The following CALN1 variants were observed in gnomAD, a reference collection of about 807,000 sequenced individuals.
CALN1 encodes calcium-binding protein 8.
A neutral mutation model predicts 30.6 loss-of-function variants in CALN1; 17 were observed. That is an observed-to-expected ratio of 0.56 (90% confidence interval 0.38 to 0.83). The LOEUF (loss-of-function observed/expected upper bound fraction) is 0.83. Among genes scored for constraint, CALN1 ranks in the 40% least tolerant of loss-of-function variants. The pLI, the probability that CALN1 is intolerant of heterozygous loss-of-function variation, is 0.00. For synonymous variants in CALN1, 156 were observed against 131.4 expected, an observed-to-expected ratio of 1.19 and a Z score of -1.28; for missense variants, 291 against 354.9, an observed-to-expected ratio of 0.82 and a Z score of 1.45.
chr7:72,401,147 C>T (rs1439327339), intron 2 of CALN1, among the ~76,000 whole-genome samples: 1 of 152,190 alleles, frequency 6.6e-6, no homozygotes, highest in East Asian at 1.9e-4. Flanking sequence ...TTCTCTTCTA[C>T]TCCTTTCTCT....
In CALN1 at chr7:71,787,719, C is replaced by A; in HGVS notation, c.*56G>T. The stretch of plus-strand genomic sequence containing the variant: ...CTGCTGTGTGGAGGAAGAGTCTGCC[C>A]GCACGGCATGCACATGCGCGGTGAG... On this transcript the variant is annotated 3_prime_UTR_variant, in exon 7 of 7. Transcript: ENST00000395275. 6.2e-7 allele frequency: 1 copy of A among 1,600,790 alleles called. No individual in the cohort carries two copies.
At chr7:72,358,894 G>T (rs890526311) in intron 2 of CALN1, among the ~76,000 whole-genome samples, 2 of 151,744 alleles carry the variant, frequency 1.3e-5, no homozygotes, top group East Asian at 3.9e-4. Flanking sequence ...GGAGGCGGAG[G>T]TTGCAGTGAG....
chr7:72,006,114 C>T (rs1275423829), intron 5 of CALN1, among the ~76,000 whole-genome samples: 1 of 152,128 alleles, frequency 6.6e-6, no homozygotes, highest in African/African-American at 2.4e-5. Flanking sequence ...TGTGAGTCTA[C>T]AGCCATTTCA....
At chr7:72,108,462 C>A (rs1330355086) in intron 3 of CALN1, among the ~76,000 whole-genome samples, 1 of 152,288 alleles carries the variant, frequency 6.6e-6, no homozygotes, top group South Asian at 2.1e-4. Flanking sequence ...TTTCCCTGCC[C>A]AAAATTATAT....
the CALN1 span, among the ~76,000 whole-genome samples, chr7:72,469,804 A>AT: frequency 1.3e-5 from 2 of 152,050 alleles, no homozygotes; most frequent in Admixed American, 1.3e-4. Flanking sequence ...TTGTGAAATC[A>AT]TTTTTTTCAC....
At chr7:72,425,276 G>A (rs983237120) in intron 1 of CALN1, among the ~76,000 whole-genome samples, 1 of 152,252 alleles carries the variant, frequency 6.6e-6, no homozygotes. Context: ...ACCACACCCA[G>A]CTAATTTTTG....
intron 2 of CALN1, chr7:72,336,862 C>T (rs1244277917): frequency 2.8e-5 from 28 of 984,980 alleles, no homozygotes; most frequent in Non-Finnish European, 3.4e-5. Flanking sequence ...GCAGCCGCGT[C>T]CCCGTGCCGG....
chr7:72,258,907 A>G (rs571234554), intron 3 of CALN1, among the ~76,000 whole-genome samples: 1,577 of 148,826 alleles, frequency 0.011, 12 homozygotes, highest in Non-Finnish European at 0.018. Context: ...TAAAAAAAAA[A>G]AAAGAAAGAA....
intron 2 of CALN1, among the ~76,000 whole-genome samples, chr7:72,307,871 C>T (rs1161749464): frequency 1.4e-5 from 2 of 145,554 alleles, no homozygotes; most frequent in Admixed American, 7.1e-5. Flanking sequence ...GGGTCCCAGA[C>T]GACAAGAGAA....
intron 3 of CALN1, among the ~76,000 whole-genome samples, chr7:72,132,783 T>C (rs369600951): frequency 6.6e-6 from 1 of 151,834 alleles, no homozygotes; most frequent in Admixed American, 6.6e-5. Context: ...TCCAAGACAA[T>C]GTAGCCCATC....
At chr7:72,249,659 G>A (rs148117682) in intron 3 of CALN1, among the ~76,000 whole-genome samples, 84 of 152,228 alleles carry the variant, frequency 5.5e-4, no homozygotes, top group African/African-American at 1.9e-3. Context: ...AAAATTAGCT[G>A]GGTGTGGTGG....
At chr7:72,386,809 AAAAT>A (rs1805235480) in intron 2 of CALN1, among the ~76,000 whole-genome samples, 1 of 152,126 alleles carries the variant, frequency 6.6e-6, no homozygotes, top group East Asian at 1.9e-4. Context: ...CTAATTTAAA[AAAAT>A]AAATTTAAGG....
rs34777600 is a variant in CALN1 at position 72,094,273 on chromosome 7, AT to A, written c.388+11877del. 4.4e-4 allele frequency among the ~76,000 whole-genome samples: 67 copies of A among 151,044 alleles called. 1 individual carries two copies. The highest frequency in any genetic ancestry group is 3.5e-3 in the East Asian group (18 of 5,092). On this transcript the variant is annotated intron_variant, in intron 4 of 6. Transcript: ENST00000395275. ...TATTGAAATAGGTGCACATACCAGA[AT>A]TTTTTTTTTAACTCTTGTTGCCCAG...
intron 2 of CALN1, among the ~76,000 whole-genome samples, chr7:72,307,903 A>G (rs1799758965): frequency 6.6e-6 from 1 of 152,196 alleles, no homozygotes; most frequent in Admixed American, 6.5e-5. Flanking sequence ...AGACAAAAAA[A>G]AAAAAATGAA....
intron 2 of CALN1, among the ~76,000 whole-genome samples, chr7:72,337,422 GCACACACACACA>G (rs5884886): frequency 3.3e-5 from 5 of 150,710 alleles, no homozygotes; most frequent in Non-Finnish European, 3.0e-5. Flanking sequence ...ACACTCGCGC[GCACACACACACA>G]CACACACGCA....
chr7:72,283,778 G>GAGCAGCAA (rs1480834838), intron 2 of CALN1, among the ~76,000 whole-genome samples: 4 of 152,178 alleles, frequency 2.6e-5, no homozygotes, highest in Admixed American at 2.6e-4. Context: ...GATCAGGTGT[G>GAGCAGCAA]AGCAGCAAAG....
At chr7:72,021,843 ACC>A (rs972611693) in intron 5 of CALN1, among the ~76,000 whole-genome samples, 1 of 151,668 alleles carries the variant, frequency 6.6e-6, no homozygotes, top group African/African-American at 2.4e-5. Flanking sequence ...TGGCTGCTTG[ACC>A]CTCACCTTCT....
At chr7:72,337,406 G>A (rs1438360318) in intron 2 of CALN1, among the ~76,000 whole-genome samples, 2 of 94,608 alleles carry the variant, frequency 2.1e-5, no homozygotes, top group African/African-American at 4.1e-5. Context: ...CGGCGCGCGC[G>A]CACTCACACT....
chr7:71,933,566 G>A (rs1023861996), intron 5 of CALN1, among the ~76,000 whole-genome samples: 11 of 151,988 alleles, frequency 7.2e-5, no homozygotes, highest in African/African-American at 2.2e-4. Flanking sequence ...CTTCAACATC[G>A]TAAAAGAAAT....
Sources: allele counts gnomAD v4.1 joint callset (sites outside exome capture counted in the v4.1 genomes callset), GRCh38; gene constraint gnomAD v4.1.1; transcripts MANE v1.5; gene names NCBI Gene and HGNC (gene_info 2026-07-23, HGNC 2026-07-21).